SLC13A3: variants seen among roughly 807,000 people sequenced by gnomAD.
The protein encoded by SLC13A3 is Na(+)/dicarboxylate cotransporter 3.
Under a neutral mutation model 59.0 loss-of-function variants are expected in SLC13A3, and 40 were observed. The ratio of observed to expected loss-of-function variants is 0.68; its 90% CI spans 0.53 to 0.88. The LOEUF (loss-of-function observed/expected upper bound fraction) is 0.88. Ranked by LOEUF, SLC13A3 falls within the 40% of genes least tolerant of loss-of-function variation. The pLI is 0.00. For synonymous variants in SLC13A3, 317 were observed against 330.3 expected, an observed-to-expected ratio of 0.96 and a Z score of 0.44; for missense variants, 699 against 783.2, an observed-to-expected ratio of 0.89 and a Z score of 1.28.
At chr20:46,570,272 G>A (rs2062018572) in intron 10 of SLC13A3, among the ~76,000 whole-genome samples, 1 of 152,154 alleles carries the variant, frequency 6.6e-6, no homozygotes, top group African/African-American at 2.4e-5. Flanking sequence ...GCAACATAGT[G>A]CTTACTCTGT....
intron 9 of SLC13A3, among the ~76,000 whole-genome samples, chr20:46,578,400 G>C (rs1294090706): frequency 6.6e-6 from 1 of 151,988 alleles, no homozygotes; most frequent in Admixed American, 6.5e-5. Context: ...TACTGGCCGG[G>C]CATGGTGGTT....
chr20:46,589,740 T>C (rs758587619), intron 6 of SLC13A3, among the ~76,000 whole-genome samples: 1 of 152,082 alleles, frequency 6.6e-6, no homozygotes, highest in Non-Finnish European at 1.5e-5. Context: ...CAAGACTGAA[T>C]AGTGGGGGAA....
rs767036947 is a variant in SLC13A3 at position 46,588,177 on chromosome 20, A to T, written c.1017-14T>A. 1 of 1,558,488 alleles carries T rather than the reference A, an allele frequency of 6.4e-7. No individual in the cohort carries two copies. On this transcript the variant is annotated splice_polypyrimidine_tract_variant and intron_variant, in intron 7 of 12. Transcript: ENST00000279027. ...TGTTCGGCAAACCTGTGGCACAGAC[A>T]TGCAGGCATGATGGTGACCCCGGGT... is the stretch of plus-strand genomic sequence containing the variant.
At chr20:46,676,023 C>G (rs1347180448) in intron 1 of SLC13A3, 1 of 152,234 alleles carries the variant, frequency 6.6e-6, no homozygotes, top group Non-Finnish European at 1.5e-5. Flanking sequence ...ATTCTCCTAT[C>G]TCAGCCTCCC....
At chr20:46,624,557 T>C (rs911806543) in intron 1 of SLC13A3, among the ~76,000 whole-genome samples, 1 of 152,154 alleles carries the variant, frequency 6.6e-6, no homozygotes, top group African/African-American at 2.4e-5. Context: ...AAGGGGGAGA[T>C]GGAGAGAGCT....
chr20:46,563,944 A>G (rs2061957383), intron 11 of SLC13A3, among the ~76,000 whole-genome samples: 1 of 152,190 alleles, frequency 6.6e-6, no homozygotes, highest in South Asian at 2.1e-4. Flanking sequence ...AGAGTGCAGA[A>G]AAGCACTTGG....
chr20:46,561,204 T>C (rs1373123822), intron 12 of SLC13A3, among the ~76,000 whole-genome samples: 1 of 152,178 alleles, frequency 6.6e-6, no homozygotes, highest in East Asian at 1.9e-4. Flanking sequence ...CTGCCCTCTT[T>C]GAGTTGTCCC....
chr20:46,596,005 G>C (rs983059304), intron 5 of SLC13A3, 152 bp downstream of exon 5: 3 of 636,762 alleles, frequency 4.7e-6, no homozygotes, highest in Non-Finnish European at 7.9e-6. Flanking sequence ...GTTCCCCAAG[G>C]GCAGGGATCT....
chr20:46,610,936 C>T (rs2122741098), intron 2 of SLC13A3, among the ~76,000 whole-genome samples: 1 of 152,204 alleles, frequency 6.6e-6, no homozygotes, highest in African/African-American at 2.4e-5. Flanking sequence ...ATCTTTCCCT[C>T]ATGGCCTTCT....
chr20:46,599,886 G>A lies in SLC13A3; in HGVS notation c.608+85C>T, dbSNP rs538770914. ...TTGGAGAAAAATTCAGGGATGGGAG[G>A]AAAATGGTTTGCAGCATTGAATTCT... On this transcript the variant is annotated intron_variant, in intron 4 of 12. Transcript: ENST00000279027. The A allele has an allele frequency of 2.7e-5, 29 of 1,083,124 alleles. No individual in the cohort carries two copies. The East Asian group carries it at 7.2e-4, about 27-fold the overall frequency. 67.1% of individuals were successfully genotyped at this position (1,083,124 alleles called of 1,614,324 possible).
chr20:46,584,639 G>T, intron 8 of SLC13A3: 1 of 360,360 alleles, frequency 2.8e-6, no homozygotes, highest in Non-Finnish European at 3.9e-6. Flanking sequence ...GACTTGAAAA[G>T]GAGAGTAAAA....
At chr20:46,560,955 A>T (rs1436521789) in intron 12 of SLC13A3, among the ~76,000 whole-genome samples, 1 of 152,182 alleles carries the variant, frequency 6.6e-6, no homozygotes, top group Non-Finnish European at 1.5e-5. Context: ...TATTCCTCCC[A>T]GAGAAAGTCT....
At chr20:46,674,154 C>T (rs568786286), upstream of SLC13A3, among the ~76,000 whole-genome samples, 3 of 152,176 alleles carry the variant, frequency 2.0e-5, no homozygotes, top group Non-Finnish European at 4.4e-5. Context: ...TTCCCCTCCC[C>T]TCCACCTCCG....
intron 1 of SLC13A3, among the ~76,000 whole-genome samples, chr20:46,637,128 T>A (rs1342447713): frequency 6.6e-6 from 1 of 152,166 alleles, no homozygotes; most frequent in Admixed American, 6.5e-5. Flanking sequence ...ATGTTTACCA[T>A]CATCCCAGCT....
chr20:46,674,830 C>G (rs1276196650), upstream of SLC13A3, among the ~76,000 whole-genome samples: 1 of 152,014 alleles, frequency 6.6e-6, no homozygotes, highest in Non-Finnish European at 1.5e-5. Context: ...TGCCCAGAGC[C>G]CCAATTCTAG....
intron 2 of SLC13A3, among the ~76,000 whole-genome samples, chr20:46,611,517 G>A (rs769195239): frequency 9.2e-5 from 14 of 152,258 alleles, no homozygotes; most frequent in South Asian, 2.1e-4. Context: ...AGGAGGAGGC[G>A]CAGCTACAGA....
At chr20:46,599,858 C>G (rs552901118) in intron 4 of SLC13A3, 113 bp downstream of exon 4, 6 of 690,758 alleles carry the variant, frequency 8.7e-6, no homozygotes, top group Non-Finnish European at 1.4e-5. Context: ...GGCATTAGGT[C>G]ATTTGGAGAA....
upstream of SLC13A3, among the ~76,000 whole-genome samples, chr20:46,654,657 G>A (rs1428984606): frequency 6.6e-6 from 1 of 152,112 alleles, no homozygotes; most frequent in Non-Finnish European, 1.5e-5. Flanking sequence ...AGCCTCCTGA[G>A]TAGCTGGGAT....
In SLC13A3 at chr20:46,613,579, G is replaced by A. The variant is rs1377186214; in HGVS notation, c.258C>T (p.Phe86=). The A allele has an allele frequency of 6.2e-7, 1 of 1,613,988 alleles. No individual in the cohort carries two copies. Among genetic ancestry groups the A allele is most frequent in the Non-Finnish European group, 8.5e-7 (1 of 1,179,904 alleles). ...TGAGGAAGAGGAAGTTGGTGTCGAG[G>A]AAGTACTGGGGGCAGACCTTGTTGG... The part of the protein sequence containing the change: ...LPSNKVCPQY[F]LDTNFLFLSG... The change falls in exon 2 of 13, where the codon TTC becomes TTT. Residue 86 remains phenylalanine, a synonymous_variant. Coordinates refer to ENST00000279027, the MANE Select transcript of SLC13A3 (RefSeq NM_022829.6).
Sources: allele counts gnomAD v4.1 joint callset (sites outside exome capture counted in the v4.1 genomes callset), GRCh38; gene constraint gnomAD v4.1.1; transcripts MANE v1.5; gene names NCBI Gene and HGNC (gene_info 2026-07-23, HGNC 2026-07-21).